Variants in LUZP2 observed in about 807,000 individuals in gnomAD.
LUZP2 encodes the protein leucine zipper protein 2.
In LUZP2, 52 loss-of-function variants were observed where a neutral mutation model predicts 51.6. That is an observed-to-expected ratio of 1.01 (90% CI 0.81 to 1.27). LUZP2 has a LOEUF of 1.27. Ranked by LOEUF, LUZP2 falls within the 50% of genes most tolerant of loss-of-function variation. The pLI, the probability that LUZP2 is intolerant of heterozygous loss-of-function variation, is 0.00. For synonymous variants in LUZP2, 154 were observed against 137.3 expected (o/e 1.12, Z -0.85); for missense variants, 436 against 395.4 (o/e 1.10, Z -0.87).
intron 4 of LUZP2, among the ~76,000 whole-genome samples, chr11:24,744,689 T>A (rs955651852): frequency 3.3e-5 from 5 of 152,172 alleles, no homozygotes. Flanking sequence ...TATTGGTTGT[T>A]TTTTGTTTCA....
chr11:24,843,393 GA>G (rs1012109033), intron 5 of LUZP2, among the ~76,000 whole-genome samples: 1 of 152,040 alleles, frequency 6.6e-6, no homozygotes, highest in African/African-American at 2.4e-5. Context: ...AAGTTAATAT[GA>G]AAAATATGAC....
intron 1 of LUZP2, among the ~76,000 whole-genome samples, chr11:24,726,696 A>G (rs1000354052): frequency 2.0e-5 from 3 of 152,128 alleles, no homozygotes; most frequent in Admixed American, 6.5e-5. Context: ...AGTGGTAAAA[A>G]TATATTCAAG....
chr11:25,033,607 A>T (rs1327586051), intron 9 of LUZP2, among the ~76,000 whole-genome samples: 1 of 152,196 alleles, frequency 6.6e-6, no homozygotes, highest in Admixed American at 6.6e-5. Flanking sequence ...CACAGTGTCT[A>T]TAACTTCCGT....
intron 9 of LUZP2, among the ~76,000 whole-genome samples, chr11:25,026,640 G>T (rs924092015): frequency 6.6e-6 from 1 of 151,804 alleles, no homozygotes; most frequent in Non-Finnish European, 1.5e-5. Flanking sequence ...TGTTAAATTT[G>T]GACAAATTTC....
At chr11:24,542,227 C>A (rs535737134) in intron 1 of LUZP2, among the ~76,000 whole-genome samples, 1 of 152,082 alleles carries the variant, frequency 6.6e-6, no homozygotes, top group East Asian at 1.9e-4. Flanking sequence ...GTATTACTAT[C>A]CTCACCCCCC....
intron 1 of LUZP2, among the ~76,000 whole-genome samples, chr11:24,650,589 A>G (rs1490942669): frequency 6.6e-6 from 1 of 152,074 alleles, no homozygotes; most frequent in Non-Finnish European, 1.5e-5. Flanking sequence ...GGCCAGAAGC[A>G]ATGCATCCCA....
At chr11:24,857,951 G>A (rs1243569084) in intron 5 of LUZP2, among the ~76,000 whole-genome samples, 1 of 152,024 alleles carries the variant, frequency 6.6e-6, no homozygotes, top group Non-Finnish European at 1.5e-5. Context: ...GAATTCAAGT[G>A]ATTTTTTCAG....
At chr11:25,049,527 G>C (rs372560886) in intron 9 of LUZP2, among the ~76,000 whole-genome samples, 92 of 151,682 alleles carry the variant, frequency 6.1e-4, no homozygotes, top group Middle Eastern at 3.4e-3. Flanking sequence ...TAATATTTAG[G>C]GTTTCTGGAA....
chr11:24,911,995 A>G (rs905411021), intron 6 of LUZP2, among the ~76,000 whole-genome samples: 2 of 152,194 alleles, frequency 1.3e-5, no homozygotes, highest in Admixed American at 1.3e-4. Context: ...AAACAAATCA[A>G]TTACCCTGTG....
intron 1 of LUZP2, among the ~76,000 whole-genome samples, chr11:24,514,361 A>T (rs1414788456): frequency 6.6e-6 from 1 of 152,230 alleles, no homozygotes; most frequent in East Asian, 1.9e-4. Flanking sequence ...ATGGTTTCAG[A>T]ATAAGTAATT....
intron 7 of LUZP2, among the ~76,000 whole-genome samples, chr11:24,926,524 T>C (rs577749475): frequency 6.8e-6 from 1 of 148,146 alleles, no homozygotes; most frequent in East Asian, 2.0e-4. Context: ...TACGTGTATA[T>C]ATGTGTGTGT....
intron 4 of LUZP2, among the ~76,000 whole-genome samples, chr11:24,747,826 G>C (rs1025972975): frequency 6.6e-6 from 1 of 151,998 alleles, no homozygotes; most frequent in African/African-American, 2.4e-5. Context: ...GCAGGTTGTT[G>C]GGTAAGTGGA....
intron 1 of LUZP2, among the ~76,000 whole-genome samples, chr11:24,648,625 C>T (rs775532451): frequency 2.6e-5 from 4 of 151,860 alleles, no homozygotes; most frequent in Non-Finnish European, 4.4e-5. Context: ...CATGAATGAA[C>T]CATGGCAAAG....
At chr11:24,774,146 GAA>G (rs1371591049) in intron 5 of LUZP2, among the ~76,000 whole-genome samples, 1 of 151,680 alleles carries the variant, frequency 6.6e-6, no homozygotes, top group Non-Finnish European at 1.5e-5. Flanking sequence ...AGAAAAATGT[GAA>G]AAGAGAGACT....
intron 6 of LUZP2, among the ~76,000 whole-genome samples, chr11:24,912,224 TCTTC>T (rs1853656567): frequency 1.3e-5 from 2 of 151,752 alleles, no homozygotes; most frequent in Non-Finnish European, 2.9e-5. Flanking sequence ...TCTCTCCTTC[TCTTC>T]CTGTCTCCTT....
At chr11:24,921,070 G>T (rs1854038075) in intron 7 of LUZP2, among the ~76,000 whole-genome samples, 3 of 152,098 alleles carry the variant, frequency 2.0e-5, no homozygotes, top group Non-Finnish European at 4.4e-5. Flanking sequence ...TTTGATGACT[G>T]GGGGAACACC....
At chr11:24,741,831 TTA>T (rs1367172538) in intron 4 of LUZP2, among the ~76,000 whole-genome samples, 6 of 140,350 alleles carry the variant, frequency 4.3e-5, no homozygotes, top group Non-Finnish European at 9.1e-5. Flanking sequence ...AGATATATAT[TTA>T]TATATATTTA....
At chr11:24,863,069 G>C (rs1851787043) in intron 5 of LUZP2, among the ~76,000 whole-genome samples, 1 of 152,286 alleles carries the variant, frequency 6.6e-6, no homozygotes, top group South Asian at 2.1e-4. Context: ...AGGTAAGGAT[G>C]TGAGGAAATA....
chr11:24,751,182 T>TA (rs1261528483), intron 4 of LUZP2, among the ~76,000 whole-genome samples: 6 of 152,046 alleles, frequency 3.9e-5, no homozygotes, highest in African/African-American at 1.5e-4. Flanking sequence ...TGATAACTGC[T>TA]AAAAAATCAT....
Sources: allele counts gnomAD v4.1 joint callset (sites outside exome capture counted in the v4.1 genomes callset), GRCh38; gene constraint gnomAD v4.1.1; transcripts MANE v1.5; gene names NCBI Gene and HGNC (gene_info 2026-07-23, HGNC 2026-07-21).